The following PTPRD variants were observed in gnomAD, a reference collection of about 807,000 sequenced individuals.
The protein encoded by PTPRD is protein tyrosine phosphatase receptor type D.
In PTPRD, 34 loss-of-function variants were observed where a neutral mutation model predicts 214.5. The observed-to-expected ratio is 0.16, with a 90% CI of 0.12 to 0.21. The LOEUF (loss-of-function observed/expected upper bound fraction) is 0.21. Among genes scored for constraint, PTPRD ranks in the 10% least tolerant of loss-of-function variants. The pLI, the probability that PTPRD is intolerant of heterozygous loss-of-function variation, is 1.00. For missense variants in PTPRD, 2,545 were observed against 2,398.7 expected, an observed-to-expected ratio of 1.06 and a Z score of -1.27; for synonymous variants, 1,128 against 845.7, an observed-to-expected ratio of 1.33 and a Z score of -5.79.
At chr9:8,443,817 A>C (rs990451774) in intron 34 of PTPRD, among the ~76,000 whole-genome samples, 7 of 152,162 alleles carry the variant, frequency 4.6e-5, no homozygotes, top group African/African-American at 1.7e-4. Context: ...TTTGTACTGA[A>C]AAGAAAGTGA....
intron 4 of PTPRD, among the ~76,000 whole-genome samples, chr9:10,000,679 C>A (rs557966332): frequency 1.3e-5 from 2 of 152,304 alleles, no homozygotes; most frequent in African/African-American, 4.8e-5. Flanking sequence ...CGAAACATTT[C>A]TTTTCTAACA....
chr9:10,593,998 TA>T (rs994025824), intron 2 of PTPRD, among the ~76,000 whole-genome samples: 3 of 151,968 alleles, frequency 2.0e-5, no homozygotes, highest in African/African-American at 7.2e-5. Flanking sequence ...ATTAAGTTAT[TA>T]AAACGGGAAG....
chr9:9,265,245 C>A (rs1594806895), intron 9 of PTPRD, among the ~76,000 whole-genome samples: 1 of 151,360 alleles, frequency 6.6e-6, no homozygotes, highest in East Asian at 2.0e-4. Context: ...AATGAATATG[C>A]AATTTATTGA....
chr9:9,343,769 G>A (rs1204645403), intron 9 of PTPRD, among the ~76,000 whole-genome samples: 1 of 151,774 alleles, frequency 6.6e-6, no homozygotes, highest in Non-Finnish European at 1.5e-5. Context: ...GTGAAATGAA[G>A]TGAAACAAAT....
At chr9:9,363,245 C>T (rs574101530) in intron 9 of PTPRD, among the ~76,000 whole-genome samples, 6 of 150,218 alleles carry the variant, frequency 4.0e-5, no homozygotes, top group South Asian at 2.1e-4. Flanking sequence ...TACTGATCAA[C>T]ACCCCAAAAG....
chr9:10,181,296 A>T lies in PTPRD; in HGVS notation c.-544-147506T>A, dbSNP rs565628586. ...AAGAGAAACTACAACAAAGCTTTTT[A>T]AAAATTCTAACATAATAAAGGCTAC... On this transcript the variant is annotated intron_variant, in intron 3 of 45. Transcript: ENST00000381196. Among the ~76,000 whole-genome samples the T allele has an allele frequency of 7.2e-5, 11 of 152,272 alleles. No individual in the cohort carries two copies. The South Asian group carries it at 2.3e-3, about 32-fold the overall frequency.
chr9:8,370,452 C>T (rs1478520395), intron 39 of PTPRD, among the ~76,000 whole-genome samples: 1 of 151,952 alleles, frequency 6.6e-6, no homozygotes, highest in Admixed American at 6.6e-5. Flanking sequence ...CCTCCCTGTG[C>T]GGAATGCTCT....
At chr9:10,245,488 A>C (rs546245649) in intron 3 of PTPRD, among the ~76,000 whole-genome samples, 9 of 152,214 alleles carry the variant, frequency 5.9e-5, no homozygotes, top group Non-Finnish European at 1.2e-4. Context: ...CTGATGGCCT[A>C]CTATGTACAA....
chr9:10,387,891 G>C (rs945936423), intron 2 of PTPRD, among the ~76,000 whole-genome samples: 1 of 134,220 alleles, frequency 7.5e-6, no homozygotes, highest in Non-Finnish European at 1.5e-5. Context: ...AAACTCCTTG[G>C]CTCAAGCACT....
intron 27 of PTPRD, among the ~76,000 whole-genome samples, chr9:8,488,890 T>C (rs1382589017): frequency 6.6e-6 from 1 of 152,170 alleles, no homozygotes; most frequent in Non-Finnish European, 1.5e-5. Context: ...GAAACACAAC[T>C]ATTAATTCTC....
At chr9:8,585,729 C>A (rs2093601423) in intron 14 of PTPRD, among the ~76,000 whole-genome samples, 1 of 152,156 alleles carries the variant, frequency 6.6e-6, no homozygotes. Context: ...AGTTATTTTT[C>A]TGAGTGAAAT....
chr9:9,187,773 TAA>T (rs2099932563), intron 9 of PTPRD, among the ~76,000 whole-genome samples: 1 of 150,206 alleles, frequency 6.7e-6, no homozygotes, highest in Admixed American at 6.6e-5. Context: ...GACTAAAGAA[TAA>T]GAGGATTTTT....
intron 9 of PTPRD, among the ~76,000 whole-genome samples, chr9:9,297,650 C>T (rs1953603004): frequency 6.6e-6 from 1 of 151,382 alleles, no homozygotes; most frequent in Non-Finnish European, 1.5e-5. Flanking sequence ...AACTGTAAAC[C>T]ACTAGAATTC....
intron 7 of PTPRD, among the ~76,000 whole-genome samples, chr9:9,662,150 TAC>T (rs2096633638): frequency 6.6e-6 from 1 of 151,738 alleles, no homozygotes; most frequent in Non-Finnish European, 1.5e-5. Context: ...TAACACTCCA[TAC>T]AGTTACAAAA....
intron 11 of PTPRD, among the ~76,000 whole-genome samples, chr9:8,815,539 C>T (rs892026264): frequency 1.3e-5 from 2 of 152,078 alleles, no homozygotes; most frequent in African/African-American, 2.4e-5. Flanking sequence ...CAAAATAAAA[C>T]AAAAACTCCA....
In PTPRD at chr9:8,636,825, T is replaced by C. The variant is rs2154328391; in HGVS notation, c.84A>G (p.Arg28=). 1.2e-6 allele frequency: 2 copies of C among 1,613,918 alleles called. No homozygotes were observed. The highest frequency in any genetic ancestry group is 1.7e-6 in the Non-Finnish European group (2 of 1,179,820). Residue 28 remains arginine, a synonymous_variant, in exon 13 of 46, where the codon CGA becomes CGG. Transcript: ENST00000381196. Reference sequence around the variant, plus strand: ...AGACCCCTGTCTGATCAACGGGTGTTCGTGTAAACCTTGGAGGTGCTGAAA... The same window carrying C: ...AGACCCCTGTCTGATCAACGGGTGTCCGTGTAAACCTTGGAGGTGCTGAAA... ...TDAETPPRFT[R]TPVDQTGVSG...
intron 12 of PTPRD, among the ~76,000 whole-genome samples, chr9:8,648,144 T>C (rs1171315416): frequency 6.6e-6 from 1 of 152,236 alleles, no homozygotes; most frequent in African/African-American, 2.4e-5. Context: ...GGAAATGGTA[T>C]GTTCCAATGT....
At chr9:10,383,782 G>C (rs2154485556) in intron 2 of PTPRD, among the ~76,000 whole-genome samples, 1 of 151,876 alleles carries the variant, frequency 6.6e-6, no homozygotes, top group Non-Finnish European at 1.5e-5. Flanking sequence ...TCAAACGTCT[G>C]ACTCTAATCA....
At position 9,129,223 on chromosome 9, in the gene PTPRD, C is replaced by G. The variant is rs970724156; in HGVS notation, c.-143+54081G>C. Among the ~76,000 whole-genome samples, 4 of 152,262 alleles carry G rather than the reference C, an allele frequency of 2.6e-5. 1 individual carries two copies. The South Asian group carries it at 8.3e-4, about 32-fold the overall frequency. On this transcript the variant is annotated intron_variant, in intron 10 of 45. Coordinates refer to ENST00000381196, the MANE Select transcript of PTPRD (RefSeq NM_002839.4). ...TGGCCAACAGGGCAAAAACCCATCT[C>G]TACTAAAAATACCAAAATTAGCCAG... is the stretch of plus-strand genomic sequence containing the variant.
Sources: allele counts gnomAD v4.1 joint callset (sites outside exome capture counted in the v4.1 genomes callset), GRCh38; gene constraint gnomAD v4.1.1; transcripts MANE v1.5; gene names NCBI Gene and HGNC (gene_info 2026-07-23, HGNC 2026-07-21).